ABCA4: variants seen among roughly 807,000 people sequenced by gnomAD.
ABCA4 encodes retinal-specific phospholipid-transporting ATPase ABCA4.
A neutral mutation model predicts 263.7 loss-of-function variants in ABCA4; 196 were observed. The observed-to-expected ratio is 0.74, with a 90% CI of 0.66 to 0.84. ABCA4 has a LOEUF of 0.84. Ranked by LOEUF, ABCA4 falls within the 40% of genes least tolerant of loss-of-function variation. The pLI, the probability that ABCA4 is intolerant of heterozygous loss-of-function variation, is 0.00. For synonymous variants in ABCA4, 1,133 were observed against 1,094.2 expected (o/e 1.04, Z -0.70); for missense variants, 2,792 against 2,855.1 (o/e 0.98, Z 0.50).
At chr1:94,013,487 G>C (rs1659630169) in intron 38 of ABCA4, among the ~76,000 whole-genome samples, 2 of 152,154 alleles carry the variant, frequency 1.3e-5, no homozygotes, top group South Asian at 4.1e-4. Flanking sequence ...CCTCTGAACT[G>C]GGAAGAGCTA....
At chr1:94,004,154 C>T (rs1262819411) in intron 44 of ABCA4, among the ~76,000 whole-genome samples, 1 of 152,190 alleles carries the variant, frequency 6.6e-6, no homozygotes, top group Non-Finnish European at 1.5e-5. Context: ...AAGACAGATA[C>T]ACACATGCAA....
At chr1:94,067,639 T>C (rs1384295860) in intron 11 of ABCA4, among the ~76,000 whole-genome samples, 1 of 152,246 alleles carries the variant, frequency 6.6e-6, no homozygotes, top group Non-Finnish European at 1.5e-5. Flanking sequence ...TTTCCCTACC[T>C]ACAAAATTGA....
intron 36 of ABCA4, among the ~76,000 whole-genome samples, chr1:94,016,688 T>G (rs1659756110): frequency 6.6e-6 from 1 of 152,190 alleles, no homozygotes; most frequent in Non-Finnish European, 1.5e-5. Flanking sequence ...GCTCATAGTG[T>G]TCACTGTATA....
intron 18 of ABCA4, 27 bp from the exon 19 acceptor site, chr1:94,047,120 G>A (rs1660708958): frequency 6.2e-7 from 1 of 1,613,054 alleles, no homozygotes; most frequent in Non-Finnish European, 8.5e-7. Flanking sequence ...TGAACATGAT[G>A]TAAACATAAT....
At chr1:94,034,678 G>T (rs1660295741) in intron 26 of ABCA4, among the ~76,000 whole-genome samples, 1 of 151,418 alleles carries the variant, frequency 6.6e-6, no homozygotes, top group Non-Finnish European at 1.5e-5. Context: ...CAGAGAGTGA[G>T]ACCCAGTGGC....
At chr1:94,063,475 T>C (rs1274657092) in intron 11 of ABCA4, among the ~76,000 whole-genome samples, 158 bp from the exon 12 acceptor site, 1 of 152,152 alleles carries the variant, frequency 6.6e-6, no homozygotes, top group Non-Finnish European at 1.5e-5. Flanking sequence ...CAGAGTCTGG[T>C]GTTAATTTTT....
At chr1:94,037,614 G>C (rs1021186627) in intron 24 of ABCA4, among the ~76,000 whole-genome samples, 1 of 151,646 alleles carries the variant, frequency 6.6e-6, no homozygotes, top group Non-Finnish European at 1.5e-5. Context: ...GGAGGTTGGT[G>C]GGGGGGTCAT....
chr1:94,068,149 C>T lies in ABCA4; in HGVS notation c.1555-4832G>A, dbSNP rs868441389. On this transcript the variant is annotated intron_variant, in intron 11 of 49. Transcript: ENST00000370225. ...GTTAGAACAATGCTATGGACAGATG[C>T]CAAAGCCCATGTCCCAGGTGGGCAG... Among the ~76,000 whole-genome samples, 7 of 152,248 alleles carry T rather than the reference C, an allele frequency of 4.6e-5. No individual in the cohort carries two copies. In the South Asian group the frequency reaches 1.4e-3, roughly 32 times the overall value.
At chr1:94,026,310 C>T (rs531864895) in intron 30 of ABCA4, among the ~76,000 whole-genome samples, 7 of 152,326 alleles carry the variant, frequency 4.6e-5, no homozygotes, top group East Asian at 1.9e-4. Context: ...TGGCACCTAC[C>T]GAATGCTCCC....
chr1:94,120,084 T>C (rs1447976669), intron 1 of ABCA4, among the ~76,000 whole-genome samples: 1 of 152,210 alleles, frequency 6.6e-6, no homozygotes, highest in East Asian at 1.9e-4. Context: ...TACAGTTCTA[T>C]AGTCACTCCT....
At chr1:94,074,789 C>A (rs1279723416) in intron 11 of ABCA4, among the ~76,000 whole-genome samples, 2 of 152,150 alleles carry the variant, frequency 1.3e-5, no homozygotes, top group Non-Finnish European at 2.9e-5. Context: ...GGATCTAGAA[C>A]CAGAAATACA....
chr1:94,071,599 T>C (rs1661400973), intron 11 of ABCA4, among the ~76,000 whole-genome samples: 1 of 152,230 alleles, frequency 6.6e-6, no homozygotes, highest in African/African-American at 2.4e-5. Context: ...ATGACAATTA[T>C]GCTTACTAGG....
chr1:94,073,099 C>A (rs868220249), intron 11 of ABCA4, among the ~76,000 whole-genome samples: 4 of 152,162 alleles, frequency 2.6e-5, no homozygotes, highest in Admixed American at 6.6e-5. Flanking sequence ...TGCTACTAAG[C>A]CATCCTCAGG....
chr1:94,000,995 C>A lies in ABCA4; in HGVS notation c.6386+7G>T. 3 of 1,614,130 alleles carry A rather than the reference C, an allele frequency of 1.9e-6. No homozygotes were observed. The highest frequency in any genetic ancestry group is 2.5e-6 in the Non-Finnish European group (3 of 1,179,990). Reference sequence around the variant, plus strand: ...ACCCACCTTCCCCAGCCCTGGGAATCTCTTGCCTGTGGGATGTGAGGACCA... The same window carrying A: ...ACCCACCTTCCCCAGCCCTGGGAATATCTTGCCTGTGGGATGTGAGGACCA... On this transcript the variant is annotated splice_region_variant and intron_variant, in intron 46 of 49. Transcript: ENST00000370225.
At chr1:94,090,793 G>C (rs568579726) in intron 6 of ABCA4, among the ~76,000 whole-genome samples, 11 of 152,180 alleles carry the variant, frequency 7.2e-5, no homozygotes, top group African/African-American at 2.4e-4. Context: ...AATACGTGTT[G>C]TGGTAATTAA....
rs559119402 is a variant in ABCA4, at chr1:94,048,856, T to G, written c.2743+12A>C. Reference sequence around the variant, plus strand: ...CCTCGCCTCTGCTGTGTATTCTTTATCGGGGTTTTACCGTGTATTCCTTCT... The same window carrying G: ...CCTCGCCTCTGCTGTGTATTCTTTAGCGGGGTTTTACCGTGTATTCCTTCT... On this transcript the variant is annotated intron_variant, in intron 18 of 49. Coordinates refer to ENST00000370225, the MANE Select transcript of ABCA4 (RefSeq NM_000350.3). 3.3e-5 allele frequency: 54 copies of G among 1,613,814 alleles called. 1 individual carries two copies. The East Asian group carries it at 8.0e-4, about 24-fold the overall frequency.
Position 94,060,586 on chromosome 1 carries a change from C to A in ABCA4, c.2111G>T (p.Ser704Ile). ...GATGCTCATCGACATGATGGAGAAG[C>A]TGTCCAGGAACCAGGTACACCAAAT... ...AVIWCTWFLD[S>I]FSIMSMSIFL... Residue 704 changes from serine (S) to isoleucine (I), a missense_variant, in exon 14 of 50, where the codon AGC (serine) becomes ATC (isoleucine). Ser to Ile is a moderately radical substitution (Grantham distance 142). Coordinates refer to ENST00000370225, the MANE Select transcript of ABCA4 (RefSeq NM_000350.3). The A allele has an allele frequency of 6.2e-7, 1 of 1,614,184 alleles. No homozygotes were observed. Among genetic ancestry groups the A allele is most frequent in the Non-Finnish European group, 8.5e-7 (1 of 1,180,040 alleles).
At chr1:94,079,190 C>A in intron 9 of ABCA4, 132 bp downstream of exon 9, 1 of 1,359,176 alleles carries the variant, frequency 7.4e-7, no homozygotes, top group Non-Finnish European at 1.0e-6. Flanking sequence ...GGAGGAAACG[C>A]AAGAGTCCAC....
Position 94,094,275 on chromosome 1 carries a change from C to T in ABCA4, c.768+4519G>A, listed in dbSNP as rs1261284694. On this transcript the variant is annotated intron_variant, in intron 6 of 49. Coordinates refer to ENST00000370225, the MANE Select transcript of ABCA4 (RefSeq NM_000350.3). ...CACTGGGTAGGGGGCGGTCCACCCA[C>T]GCTTCTCCCCAGTGACTCAGGAATT... Among the ~76,000 whole-genome samples, 4 of 152,150 alleles carry T rather than the reference C, an allele frequency of 2.6e-5. No individual in the cohort carries two copies. In the East Asian group the frequency reaches 5.8e-4, roughly 22 times the overall value.
Sources: gnomAD v4.1 joint callset for allele counts (sites outside exome capture counted in the v4.1 genomes callset) on GRCh38, gnomAD v4.1.1 for gene constraint, MANE v1.5 for transcripts, NCBI Gene and HGNC (gene_info 2026-07-23, HGNC 2026-07-21) for gene names.